ATRNL1: variants seen among roughly 807,000 people sequenced by gnomAD.
The protein encoded by ATRNL1 is attractin-like protein 1.
In ATRNL1, 95 loss-of-function variants were observed where a neutral mutation model predicts 182.7. The observed-to-expected ratio is 0.52, with a 90% CI of 0.44 to 0.62. ATRNL1 has a LOEUF of 0.62. ATRNL1 is among the 20% of genes least tolerant of loss of function. The pLI, the probability that ATRNL1 is intolerant of heterozygous loss-of-function variation, is 0.00. For synonymous variants in ATRNL1, 576 were observed against 568.3 expected, an observed-to-expected ratio of 1.01 and a Z score of -0.19; for missense variants, 1,471 against 1,679.5, an observed-to-expected ratio of 0.88 and a Z score of 2.17.
chr10:115,404,327 T>C (rs1156740460), intron 20 of ATRNL1, among the ~76,000 whole-genome samples: 7 of 152,204 alleles, frequency 4.6e-5, no homozygotes, highest in African/African-American at 1.7e-4. Flanking sequence ...TTGGAAGTCA[T>C]GTTATTGGGC....
At chr10:115,179,263 G>C (rs1001090979) in intron 8 of ATRNL1, among the ~76,000 whole-genome samples, 3 of 151,962 alleles carry the variant, frequency 2.0e-5, no homozygotes, top group Non-Finnish European at 4.4e-5. Context: ...ATGCCCTCTG[G>C]CTTCCAGGTA....
At chr10:115,098,831 G>A (rs147928574) in intron 1 of ATRNL1, among the ~76,000 whole-genome samples, 11 of 151,964 alleles carry the variant, frequency 7.2e-5, no homozygotes, top group African/African-American at 1.9e-4. Flanking sequence ...TGCCCTAATA[G>A]CACTATTTTT....
intron 26 of ATRNL1, among the ~76,000 whole-genome samples, chr10:115,595,361 T>C (rs1216071429): frequency 1.3e-5 from 2 of 152,222 alleles, no homozygotes; most frequent in Non-Finnish European, 1.5e-5. Flanking sequence ...CACACATGAA[T>C]TATATTTCTG....
chr10:115,873,868 G>C (rs1555106643), intron 28 of ATRNL1, among the ~76,000 whole-genome samples: 1 of 152,138 alleles, frequency 6.6e-6, no homozygotes, highest in Non-Finnish European at 1.5e-5. Flanking sequence ...AAATGATATT[G>C]AGAATTCTCT....
At chr10:115,718,266 C>A (rs1947316405) in intron 26 of ATRNL1, among the ~76,000 whole-genome samples, 1 of 152,210 alleles carries the variant, frequency 6.6e-6, no homozygotes, top group African/African-American at 2.4e-5. Context: ...ATCTAAAGCA[C>A]TTTCCCTCTG....
intron 27 of ATRNL1, among the ~76,000 whole-genome samples, chr10:115,839,736 C>G (rs1950760360): frequency 6.6e-6 from 1 of 152,158 alleles, no homozygotes; most frequent in Non-Finnish European, 1.5e-5. Flanking sequence ...GTCAGAGTTG[C>G]ATTTAGCTTA....
At chr10:115,492,190 A>G (rs901158208) in intron 24 of ATRNL1, among the ~76,000 whole-genome samples, 1 of 152,278 alleles carries the variant, frequency 6.6e-6, no homozygotes, top group Non-Finnish European at 1.5e-5. Context: ...CTATATGGCC[A>G]TCTTGCTAGC....
intron 26 of ATRNL1, among the ~76,000 whole-genome samples, chr10:115,690,074 A>G (rs537708631): frequency 2.6e-5 from 4 of 152,118 alleles, no homozygotes; most frequent in Admixed American, 6.5e-5. Context: ...AATTTGCACT[A>G]CTGCTGGAGA....
At chr10:115,669,718 C>T (rs572601334) in intron 26 of ATRNL1, among the ~76,000 whole-genome samples, 2 of 152,100 alleles carry the variant, frequency 1.3e-5, no homozygotes, top group African/African-American at 2.4e-5. Flanking sequence ...TGGTGATATA[C>T]CAGGTAAAAA....
chr10:115,771,519 C>A (rs1359719494), intron 27 of ATRNL1, among the ~76,000 whole-genome samples: 1 of 152,148 alleles, frequency 6.6e-6, no homozygotes, highest in Non-Finnish European at 1.5e-5. Flanking sequence ...CGTGAGCCAC[C>A]GCGCCCGGCC....
At chr10:115,844,305 C>A (rs1950879447) in intron 27 of ATRNL1, among the ~76,000 whole-genome samples, 1 of 152,022 alleles carries the variant, frequency 6.6e-6, no homozygotes, top group Non-Finnish European at 1.5e-5. Flanking sequence ...AGAAGTGAAT[C>A]CCTCACTCGC....
chr10:115,801,208 C>T (rs1949784831), intron 27 of ATRNL1, among the ~76,000 whole-genome samples: 1 of 152,156 alleles, frequency 6.6e-6, no homozygotes, highest in Admixed American at 6.5e-5. Context: ...TAATGGTATA[C>T]TAGTTAACCC....
chr10:115,223,887 A>ATATG (rs1554771070), intron 9 of ATRNL1, among the ~76,000 whole-genome samples: 4 of 80,106 alleles, frequency 5.0e-5, no homozygotes, highest in African/African-American at 2.1e-4. Context: ...TATTTAATAT[A>ATATG]TGTGTGTGTG....
chr10:115,144,670 T>A (rs1314148101), intron 5 of ATRNL1, among the ~76,000 whole-genome samples: 2 of 152,196 alleles, frequency 1.3e-5, no homozygotes, highest in Non-Finnish European at 2.9e-5. Context: ...ACAATTAAAG[T>A]TATCTTGGGA....
chr10:115,199,423 G>A (rs1848474917), intron 8 of ATRNL1, among the ~76,000 whole-genome samples: 1 of 151,960 alleles, frequency 6.6e-6, no homozygotes, highest in Non-Finnish European at 1.5e-5. Context: ...AAATTAGCTG[G>A]CGTAGTGGCA....
At chr10:115,357,540 C>T (rs539621027) in intron 19 of ATRNL1, among the ~76,000 whole-genome samples, 10 of 151,772 alleles carry the variant, frequency 6.6e-5, no homozygotes, top group African/African-American at 2.2e-4. Context: ...CATTAAAATC[C>T]TCCTTAATAT....
At chr10:115,242,638 A>T (rs1850470800) in intron 10 of ATRNL1, among the ~76,000 whole-genome samples, 1 of 152,036 alleles carries the variant, frequency 6.6e-6, no homozygotes, top group South Asian at 2.1e-4. Context: ...ATAAAGGCAC[A>T]TAATCTGCTT....
intron 28 of ATRNL1, among the ~76,000 whole-genome samples, chr10:115,889,206 AC>A (rs1461103800): frequency 5.3e-5 from 8 of 152,236 alleles, no homozygotes; most frequent in Non-Finnish European, 1.2e-4. Flanking sequence ...ACAGAGCAGC[AC>A]TAGAAGACAG....
chr10:115,659,134 A>G (rs1449510013), intron 26 of ATRNL1, among the ~76,000 whole-genome samples: 2 of 151,932 alleles, frequency 1.3e-5, no homozygotes, highest in Non-Finnish European at 2.9e-5. Context: ...GACACAGCCA[A>G]AACATATCAC....
Sources: gnomAD v4.1 joint callset for allele counts (sites outside exome capture counted in the v4.1 genomes callset) on GRCh38, gnomAD v4.1.1 for gene constraint, MANE v1.5 for transcripts, NCBI Gene and HGNC (gene_info 2026-07-23, HGNC 2026-07-21) for gene names.